The following IQCM variants were observed in gnomAD, a reference collection of about 807,000 sequenced individuals.
The protein encoded by IQCM is IQ domain-containing protein M.
A neutral mutation model predicts 57.6 loss-of-function variants in IQCM; 45 were observed. The observed-to-expected ratio is 0.78, with a 90% CI of 0.62 to 1.00. IQCM has a LOEUF of 1.00. IQCM is among the 50% of genes least tolerant of loss of function. The probability of loss-of-function intolerance (pLI) is 0.00; values close to 1 mark genes in which losing one functional copy is unlikely to be tolerated. For missense variants in IQCM, 468 were observed against 511.6 expected, an observed-to-expected ratio of 0.91 and a Z score of 0.82; for synonymous variants, 148 against 158.9, an observed-to-expected ratio of 0.93 and a Z score of 0.51.
At chr4:149,740,370 G>A (rs1301485683) in intron 3 of IQCM, among the ~76,000 whole-genome samples, 1 of 152,120 alleles carries the variant, frequency 6.6e-6, no homozygotes, top group East Asian at 1.9e-4. Flanking sequence ...AAATAAGTAA[G>A]ACTAGCTATT....
chr4:149,676,005 T>G (rs1761720660), intron 7 of IQCM, among the ~76,000 whole-genome samples: 1 of 152,056 alleles, frequency 6.6e-6, no homozygotes, highest in Non-Finnish European at 1.5e-5. Context: ...TTAGCTTTTT[T>G]TCTTTTGAAA....
intron 7 of IQCM, among the ~76,000 whole-genome samples, chr4:149,643,280 T>C (rs2150119255): frequency 6.6e-6 from 1 of 152,286 alleles, no homozygotes; most frequent in East Asian, 1.9e-4. Context: ...GTACCAAGTG[T>C]TGACAATGCA....
At chr4:149,415,331 G>A (rs1453363610) in intron 13 of IQCM, among the ~76,000 whole-genome samples, 1 of 152,060 alleles carries the variant, frequency 6.6e-6, no homozygotes, top group Non-Finnish European at 1.5e-5. Context: ...CACTGACTGG[G>A]GAATCTTGTG....
At chr4:149,421,061 C>T (rs891869563) in intron 13 of IQCM, among the ~76,000 whole-genome samples, 2 of 150,384 alleles carry the variant, frequency 1.3e-5, no homozygotes, top group African/African-American at 4.9e-5. Flanking sequence ...AGTGCCAAAA[C>T]ATTTTATTCT....
chr4:149,753,010 C>A (rs1366781345), intron 2 of IQCM, among the ~76,000 whole-genome samples: 2 of 152,162 alleles, frequency 1.3e-5, no homozygotes, highest in Non-Finnish European at 2.9e-5. Flanking sequence ...AATATAAGAT[C>A]TGGTTCTGGA....
chr4:149,432,216 T>C (rs182991630), intron 13 of IQCM, among the ~76,000 whole-genome samples: 4 of 152,020 alleles, frequency 2.6e-5, no homozygotes, highest in Admixed American at 1.3e-4. Context: ...CCTTGTTTGG[T>C]ATCATTAGAT....
chr4:149,700,897 A>T (rs1474603433), intron 5 of IQCM, among the ~76,000 whole-genome samples: 1 of 152,080 alleles, frequency 6.6e-6, no homozygotes, highest in Non-Finnish European at 1.5e-5. Context: ...CAAAAGAAAC[A>T]TAAAATCATC....
chr4:149,809,379 A>G lies in IQCM; in HGVS notation c.-49+5932T>C, dbSNP rs1774356781. Among the ~76,000 whole-genome samples the G allele has an allele frequency of 2.0e-5, 3 of 152,184 alleles. No homozygotes were observed. In the South Asian group the frequency reaches 6.2e-4, roughly 32 times the overall value. On this transcript the variant is annotated intron_variant, in intron 2 of 13. Transcript: ENST00000636793. Reference sequence around the variant, plus strand: ...ATACAAATACTTCCCAAAAATGGCTATTCCGCTTATAGTCATTTTTTTGAT... The same window carrying G: ...ATACAAATACTTCCCAAAAATGGCTGTTCCGCTTATAGTCATTTTTTTGAT...
intron 5 of IQCM, 73 bp downstream of exon 5, chr4:149,733,171 A>G (rs1378683770): frequency 5.1e-6 from 6 of 1,177,188 alleles, no homozygotes; most frequent in Non-Finnish European, 6.4e-6. Context: ...AGAAAATTCC[A>G]TTACAGGCAC....
intron 2 of IQCM, among the ~76,000 whole-genome samples, chr4:149,786,701 G>A (rs1357203549): frequency 6.6e-6 from 1 of 152,168 alleles, no homozygotes; most frequent in Non-Finnish European, 1.5e-5. Flanking sequence ...CGAGGCTTTG[G>A]AGAAATAAGA....
At chr4:149,457,815 T>A (rs1215955345) in intron 12 of IQCM, among the ~76,000 whole-genome samples, 1 of 152,032 alleles carries the variant, frequency 6.6e-6, no homozygotes, top group Non-Finnish European at 1.5e-5. Context: ...TCCCTTTTGG[T>A]AATAAAGAAA....
chr4:149,663,754 T>C (rs990728951), intron 7 of IQCM, among the ~76,000 whole-genome samples: 3 of 152,150 alleles, frequency 2.0e-5, no homozygotes, highest in African/African-American at 7.2e-5. Flanking sequence ...ATGCAGCTTT[T>C]AGAATTCTCT....
intron 2 of IQCM, among the ~76,000 whole-genome samples, chr4:149,751,426 C>G (rs959950655): frequency 6.6e-6 from 1 of 152,192 alleles, no homozygotes; most frequent in African/African-American, 2.4e-5. Flanking sequence ...TAATCACTTC[C>G]TAATCAAGGG....
chr4:149,745,873 G>C (rs1226040981), intron 2 of IQCM, among the ~76,000 whole-genome samples: 1 of 152,128 alleles, frequency 6.6e-6, no homozygotes, highest in Non-Finnish European at 1.5e-5. Flanking sequence ...ACTGGAGGCT[G>C]AGGTGGGAGG....
chr4:149,361,812 C>G (rs1729511889), intron 13 of IQCM, among the ~76,000 whole-genome samples: 1 of 152,144 alleles, frequency 6.6e-6, no homozygotes, highest in African/African-American at 2.4e-5. Flanking sequence ...ACACAGAGTC[C>G]CTACTGGGGC....
At chr4:149,423,427 C>A (rs1365774401) in intron 13 of IQCM, among the ~76,000 whole-genome samples, 2 of 151,960 alleles carry the variant, frequency 1.3e-5, no homozygotes, top group Non-Finnish European at 2.9e-5. Flanking sequence ...TTGGGGGTTA[C>A]AATTCGAGAG....
chr4:149,374,787 T>C (rs1013929143), intron 13 of IQCM, among the ~76,000 whole-genome samples: 29 of 152,126 alleles, frequency 1.9e-4, no homozygotes, highest in African/African-American at 6.5e-4. Context: ...ACCACTGTGG[T>C]TACTTGCTTT....
At chr4:149,634,838 A>G (rs1164053461) in intron 7 of IQCM, among the ~76,000 whole-genome samples, 1 of 152,210 alleles carries the variant, frequency 6.6e-6, no homozygotes, top group Non-Finnish European at 1.5e-5. Flanking sequence ...CTTTTATAAT[A>G]CAAGCTGAAA....
intron 13 of IQCM, among the ~76,000 whole-genome samples, chr4:149,410,085 G>C (rs1399084303): frequency 2.0e-5 from 3 of 152,178 alleles, no homozygotes; most frequent in African/African-American, 7.2e-5. Flanking sequence ...TTGGAGGGCT[G>C]AGGCAGAGAA....
Sources: gnomAD v4.1 joint callset for allele counts (sites outside exome capture counted in the v4.1 genomes callset) on GRCh38, gnomAD v4.1.1 for gene constraint, MANE v1.5 for transcripts, NCBI Gene and HGNC (gene_info 2026-07-23, HGNC 2026-07-21) for gene names.